The following CCDC187 variants were observed in gnomAD, a reference collection of about 807,000 sequenced individuals.
CCDC187 encodes coiled-coil domain containing 187.
A neutral mutation model predicts 38.0 loss-of-function variants in CCDC187; 32 were observed. The observed-to-expected ratio is 0.84, with a 90% CI of 0.64 to 1.13. The LOEUF is 1.13. Among genes scored for constraint, CCDC187 ranks in the 50% most tolerant of loss-of-function variants. The pLI, the probability that CCDC187 is intolerant of heterozygous loss-of-function variation, is 0.00. For missense variants in CCDC187, 707 were observed against 786.8 expected (o/e 0.90, Z 1.21); for synonymous variants, 333 against 347.9 (o/e 0.96, Z 0.48).
At chr9:136,255,389 T>C (rs564926646) in intron 25 of CCDC187, among the ~76,000 whole-genome samples, 2 of 151,484 alleles carry the variant, frequency 1.3e-5, no homozygotes, top group East Asian at 3.9e-4. Flanking sequence ...GCACCACAGC[T>C]GTGGTTCAAG....
chr9:136,260,130 T>C lies in CCDC187; in HGVS notation c.4199A>G (p.His1400Arg). 2 of 985,306 alleles carry C rather than the reference T, an allele frequency of 2.0e-6. No individual in the cohort carries two copies. The highest frequency in any genetic ancestry group is 2.4e-6 in the Non-Finnish European group (2 of 829,938). 61.0% of individuals were successfully genotyped at this position (985,306 alleles called of 1,614,324 possible). The stretch of plus-strand genomic sequence containing the variant: ...CGGCTGCTCATTACCTTGACTGACA[T>C]GGCTGCCACTCTCCACCAGCGGGCC... ...PQGPLVESGS[H>R]VSQEPGEQPR... The change falls in exon 20 of 26, where the codon CAT (histidine) becomes CGT (arginine). Residue 1400 changes from histidine (H) to arginine (R), a missense_variant. His to Arg is a conservative substitution (Grantham distance 29). Coordinates refer to ENST00000638797, the MANE Select transcript of CCDC187 (RefSeq NM_001378188.1).
At chr9:136,268,290 G>C (rs1193497564) in intron 14 of CCDC187, 165 bp from the exon 15 acceptor site, 1 of 205,866 alleles carries the variant, frequency 4.9e-6, no homozygotes, top group African/African-American at 2.4e-5. Flanking sequence ...ACAAGACCAC[G>C]CGGGAAGGGA....
upstream of CCDC187, among the ~76,000 whole-genome samples, chr9:136,304,966 G>A (rs965959743): frequency 0.051 from 7,750 of 152,298 alleles, 233 homozygotes; most frequent in Admixed American, 0.097. Context: ...CTCTGGAACC[G>A]CCAGGCAAAC....
chr9:136,285,296 C>T (rs1043144474), intron 9 of CCDC187, among the ~76,000 whole-genome samples: 14 of 152,268 alleles, frequency 9.2e-5, no homozygotes, highest in East Asian at 7.7e-4. Flanking sequence ...GAGTGTCTGA[C>T]GCGGGGCTTC....
At chr9:136,263,192 C>G (rs1423959726) in intron 18 of CCDC187, among the ~76,000 whole-genome samples, 43 of 142,080 alleles carry the variant, frequency 3.0e-4, no homozygotes, top group African/African-American at 1.1e-3. Context: ...CTCCCTCCAT[C>G]TGCCCCACCC....
At chr9:136,301,175 G>C (rs892306333) in intron 2 of CCDC187, among the ~76,000 whole-genome samples, 1 of 152,244 alleles carries the variant, frequency 6.6e-6, no homozygotes, top group Non-Finnish European at 1.5e-5. Flanking sequence ...ATGACTTAGA[G>C]GGGTGCACCC....
intron 4 of CCDC187, among the ~76,000 whole-genome samples, chr9:136,297,262 C>G (rs1210186555): frequency 6.7e-6 from 1 of 149,596 alleles, no homozygotes; most frequent in East Asian, 2.0e-4. Flanking sequence ...TGTAGGTGCC[C>G]TGAGCTACGG....
Position 136,259,016 on chromosome 9 carries a change from G to A in CCDC187, c.4297-15C>T, listed in dbSNP as rs1410545901. 2.3e-5 allele frequency: 23 copies of A among 986,036 alleles called. No individual in the cohort carries two copies. The highest frequency in any genetic ancestry group is 1.1e-4 in the East Asian group (1 of 8,816). 61.1% of individuals were successfully genotyped at this position (986,036 alleles called of 1,614,324 possible). A position where few individuals can be genotyped will look rare whatever the true frequency, so the allele number is the denominator to read the frequency against. The stretch of plus-strand genomic sequence containing the variant: ...GCCTCCTCGGCCTGGGGGGTGAGAC[G>A]GGAGTGGACATGGCACAGGGCCCTG... On this transcript the variant is annotated splice_polypyrimidine_tract_variant and intron_variant, in intron 21 of 25. Coordinates refer to ENST00000638797, the MANE Select transcript of CCDC187 (RefSeq NM_001378188.1).
chr9:136,262,942 G>C (rs1013845420), intron 18 of CCDC187, among the ~76,000 whole-genome samples: 2 of 151,982 alleles, frequency 1.3e-5, no homozygotes, highest in South Asian at 2.1e-4. Context: ...GGTGGACATG[G>C]GGGACAGGAG....
upstream of CCDC187, among the ~76,000 whole-genome samples, chr9:136,305,113 G>A (rs1564331162): frequency 1.3e-5 from 2 of 152,220 alleles, no homozygotes; most frequent in Admixed American, 6.5e-5. Flanking sequence ...CAGCAGCCTC[G>A]GAGGGGAGGG....
chr9:136,259,997 G>A (rs941882629), intron 20 of CCDC187, 122 bp downstream of exon 20: 3 of 823,842 alleles, frequency 3.6e-6, no homozygotes, highest in African/African-American at 1.9e-5. Flanking sequence ...GGTCACAGGC[G>A]GGGCACAGCA....
In CCDC187 at chr9:136,302,800, G is replaced by A; in HGVS notation, c.625+12C>T. The A allele has an allele frequency of 7.5e-6, 3 of 399,156 alleles. No individual in the cohort carries two copies. The highest frequency in any genetic ancestry group is 1.3e-5 in the Non-Finnish European group (3 of 226,484). 24.7% of individuals were successfully genotyped at this position (399,156 alleles called of 1,614,324 possible). ...AGCCCTCCTGCCCCTCTCTGGCAAA[G>A]TGGCCACTGACCTGAGCATTCAGGG... On this transcript the variant is annotated intron_variant, in intron 2 of 25. Transcript: ENST00000638797.
Position 136,267,406 on chromosome 9 carries a change from C to A in CCDC187, c.3625G>T (p.Ala1209Ser), listed in dbSNP as rs1554761836. The A allele has an allele frequency of 4.1e-6, 4 of 985,462 alleles. No individual in the cohort carries two copies. The highest frequency in any genetic ancestry group is 5.2e-4 in the Middle Eastern group (1 of 1,938). The allele number at this position is 985,462 out of a possible 1,614,324, so 61.0% of individuals were successfully genotyped here. A position where few individuals can be genotyped will look rare whatever the true frequency, so the allele number is the denominator to read the frequency against. ...CACCCTCGTCGATGCTCCAGCCAGG[C>A]CAGCTCCGCGAGCGTTTTCTCCTGG... ...ALQEKTLAELAWLEHRRGCLD... is the reference protein window; with the variant it reads ...ALQEKTLAELSWLEHRRGCLD... Residue 1209 changes from alanine to serine, a missense_variant, in exon 16 of 26, where the codon GCC becomes TCC. By Grantham distance (99) the Ala-to-Ser change is moderately conservative. Transcript: ENST00000638797.
intron 9 of CCDC187, among the ~76,000 whole-genome samples, chr9:136,282,105 C>T (rs1197256700): frequency 6.6e-6 from 1 of 152,214 alleles, no homozygotes; most frequent in Non-Finnish European, 1.5e-5. Flanking sequence ...GCGTGGTCAT[C>T]GGGACCATCT....
At chr9:136,297,225 G>T (rs1831556274) in intron 4 of CCDC187, among the ~76,000 whole-genome samples, 1 of 151,684 alleles carries the variant, frequency 6.6e-6, no homozygotes, top group South Asian at 2.1e-4. Context: ...TGGGCTGTGG[G>T]TGTCCTGAGC....
chr9:136,291,051 G>T lies in CCDC187; in HGVS notation c.1562C>A (p.Pro521His), dbSNP rs1442275013. 2 of 398,532 alleles carry T rather than the reference G, an allele frequency of 5.0e-6. No individual in the cohort carries two copies. The highest frequency in any genetic ancestry group is 2.1e-5 in the African/African-American group (1 of 48,602). 24.7% of individuals were successfully genotyped at this position (398,532 alleles called of 1,614,324 possible). A position where few individuals can be genotyped will look rare whatever the true frequency, so the allele number is the denominator to read the frequency against. Reference sequence around the variant, plus strand: ...CTGGGGGAAGGGGCTCCGCTTTTCAGGGGGGCTCCCAGGCCTCTGGGAGGA... The same window carrying T: ...CTGGGGGAAGGGGCTCCGCTTTTCATGGGGGCTCCCAGGCCTCTGGGAGGA... ...GPSSQRPGSP[P>H]EKRSPFPQQP... is the part of the protein sequence containing the mutation. The change falls in exon 6 of 26, where the codon CCT (proline) becomes CAT (histidine). Residue 521 changes from proline (P) to histidine (H), a missense_variant. Pro to His is a moderately conservative substitution (Grantham distance 77). Transcript: ENST00000638797.
At chr9:136,297,373 G>A (rs1831562041) in intron 4 of CCDC187, among the ~76,000 whole-genome samples, 2 of 152,144 alleles carry the variant, frequency 1.3e-5, no homozygotes, top group Admixed American at 1.3e-4. Context: ...CAGTGTGGTT[G>A]AACAGCTCTG....
In CCDC187 at chr9:136,252,669, G is replaced by A. The variant is rs967386482; in HGVS notation, c.*925C>T. The stretch of plus-strand genomic sequence containing the variant: ...ACACACAGCTCACAATGACATTGTG[G>A]ACGCCTGTGCACCTCTGTAGTTCCA... On this transcript the variant is annotated 3_prime_UTR_variant, in exon 26 of 26. Transcript: ENST00000638797. The A allele has an allele frequency of 6.4e-6, 1 of 155,656 alleles. No homozygotes were observed. Among genetic ancestry groups the A allele is most frequent in the Non-Finnish European group, 1.4e-5 (1 of 70,174 alleles). The allele number at this position is 155,656 out of a possible 1,614,324, so 9.6% of individuals were successfully genotyped here. A position where few individuals can be genotyped will look rare whatever the true frequency, so the allele number is the denominator to read the frequency against.
At chr9:136,259,326 C>T (rs907591344) in intron 21 of CCDC187, 37 bp downstream of exon 21, 11 of 924,308 alleles carry the variant, frequency 1.2e-5, no homozygotes, top group East Asian at 1.3e-4. Context: ...CTGAAACAGG[C>T]GGTGCTGGGG....
Sources: allele counts gnomAD v4.1 joint callset (sites outside exome capture counted in the v4.1 genomes callset), GRCh38; gene constraint gnomAD v4.1.1; transcripts MANE v1.5; gene names NCBI Gene and HGNC (gene_info 2026-07-23, HGNC 2026-07-21).